RIPOR2: variants seen among roughly 807,000 people sequenced by gnomAD.
RIPOR2 encodes the protein RHO family interacting cell polarization regulator 2.
Under a neutral mutation model 114.5 loss-of-function variants are expected in RIPOR2, and 39 were observed. The ratio of observed to expected loss-of-function variants is 0.34; its 90% CI spans 0.26 to 0.44. The LOEUF (loss-of-function observed/expected upper bound fraction) is 0.44. RIPOR2 is among the 20% of genes least tolerant of loss of function. The pLI is 1.00. For missense variants in RIPOR2, 1,007 were observed against 1,255.1 expected, an observed-to-expected ratio of 0.80 and a Z score of 2.99; for synonymous variants, 445 against 484.4, an observed-to-expected ratio of 0.92 and a Z score of 1.07.
At chr6:24,950,406 G>A (rs1462739476) in intron 1 of RIPOR2, among the ~76,000 whole-genome samples, 1 of 152,074 alleles carries the variant, frequency 6.6e-6, no homozygotes, top group African/African-American at 2.4e-5. Context: ...TTTGGGCTCT[G>A]CATTCACTCT....
intron 1 of RIPOR2, among the ~76,000 whole-genome samples, chr6:24,964,605 TG>T (rs1311218420): frequency 1.3e-5 from 2 of 152,256 alleles, no homozygotes; most frequent in African/African-American, 4.8e-5. Flanking sequence ...TGGACATTTG[TG>T]TACAGGTTTT....
intron 17 of RIPOR2, 63 bp downstream of exon 17, chr6:24,830,446 C>T: frequency 1.4e-6 from 2 of 1,427,028 alleles, no homozygotes; most frequent in South Asian, 2.6e-5. Flanking sequence ...TCCCCCGACC[C>T]CCACCCCAAT....
At chr6:24,932,445 CTCTT>C (rs1157547512) in intron 1 of RIPOR2, among the ~76,000 whole-genome samples, 5 of 150,440 alleles carry the variant, frequency 3.3e-5, no homozygotes, top group Middle Eastern at 3.4e-3. Flanking sequence ...CTTTCTGTCT[CTCTT>C]TCTCTTTCTC....
At chr6:25,003,600 T>A (rs994211028) in intron 1 of RIPOR2, among the ~76,000 whole-genome samples, 2 of 151,892 alleles carry the variant, frequency 1.3e-5, no homozygotes, top group Non-Finnish European at 2.9e-5. Flanking sequence ...TGGGTAATTT[T>A]TCTATTTTTT....
intron 7 of RIPOR2, 139 bp downstream of exon 7, chr6:24,865,162 T>C (rs544535554): frequency 1.2e-3 from 795 of 662,790 alleles, no homozygotes; most frequent in Non-Finnish European, 1.5e-3. Flanking sequence ...TGCATACTTT[T>C]TAGGCTAACA....
At chr6:24,926,319 A>G (rs539009809) in intron 1 of RIPOR2, among the ~76,000 whole-genome samples, 1 of 152,268 alleles carries the variant, frequency 6.6e-6, no homozygotes, top group South Asian at 2.1e-4. Flanking sequence ...TAAAGATATG[A>G]TTTTCACCTC....
At chr6:24,826,071 C>T (rs909031148) in intron 18 of RIPOR2, among the ~76,000 whole-genome samples, 3 of 151,674 alleles carry the variant, frequency 2.0e-5, no homozygotes, top group Non-Finnish European at 2.9e-5. Context: ...GGATTATAGG[C>T]GCATGCCACC....
At chr6:24,871,420 C>T (rs563657885) in intron 4 of RIPOR2, among the ~76,000 whole-genome samples, 2 of 152,354 alleles carry the variant, frequency 1.3e-5, no homozygotes, top group East Asian at 1.9e-4. Flanking sequence ...GGCACGATCT[C>T]GGCTCACCGC....
intron 1 of RIPOR2, among the ~76,000 whole-genome samples, chr6:24,984,191 G>A (rs1053685965): frequency 1.3e-5 from 2 of 152,228 alleles, no homozygotes; most frequent in African/African-American, 4.8e-5. Context: ...TCACGCGTCC[G>A]TGTGAAGAGA....
At chr6:25,001,701 CTTTT>C (rs775620654) in intron 1 of RIPOR2, among the ~76,000 whole-genome samples, 1 of 102,518 alleles carries the variant, frequency 9.8e-6, no homozygotes, top group African/African-American at 3.5e-5. Flanking sequence ...TCCTTTCTTT[CTTTT>C]TTTTTTTTTT....
chr6:24,918,059 G>T (rs971138904), intron 1 of RIPOR2, among the ~76,000 whole-genome samples: 11 of 152,176 alleles, frequency 7.2e-5, no homozygotes, highest in Admixed American at 2.6e-4. Flanking sequence ...CTCACCTGTA[G>T]GGACCACGTC....
At chr6:24,881,761 C>T (rs1766377600) in intron 1 of RIPOR2, among the ~76,000 whole-genome samples, 2 of 152,084 alleles carry the variant, frequency 1.3e-5, no homozygotes, top group South Asian at 4.2e-4. Flanking sequence ...GACCACCTGA[C>T]CCAAACACCT....
At chr6:24,887,950 A>G (rs192786957) in intron 1 of RIPOR2, among the ~76,000 whole-genome samples, 87 of 152,266 alleles carry the variant, frequency 5.7e-4, no homozygotes, top group African/African-American at 2.0e-3. Context: ...TGTTGTCATA[A>G]CTCATTTTAA....
intron 1 of RIPOR2, among the ~76,000 whole-genome samples, chr6:24,916,469 G>C (rs931895607): frequency 6.6e-6 from 1 of 152,208 alleles, no homozygotes; most frequent in African/African-American, 2.4e-5. Context: ...CTATATTAAT[G>C]AGTGTAGAGG....
intron 1 of RIPOR2, among the ~76,000 whole-genome samples, chr6:25,002,091 G>A (rs751621393): frequency 6.6e-6 from 1 of 152,138 alleles, no homozygotes; most frequent in African/African-American, 2.4e-5. Context: ...TAGCAAATGA[G>A]GTTGGCTATG....
chr6:24,847,659 C>T lies in RIPOR2; in HGVS notation c.1164+366G>A, dbSNP rs1027484347. Reference sequence around the variant, plus strand: ...GCAAGGCACTCAAGACAGACAGCCGCCTGGGCTTGTCTGGGGAAGGATGCA... The same window carrying T: ...GCAAGGCACTCAAGACAGACAGCCGTCTGGGCTTGTCTGGGGAAGGATGCA... On this transcript the variant is annotated intron_variant, in intron 12 of 21. Transcript: ENST00000643898. 1.2e-5 allele frequency: 19 copies of T among 1,551,614 alleles called. No homozygotes were observed. The East Asian group carries it at 1.7e-4, about 14-fold the overall frequency.
chr6:24,914,578 C>A (rs1769924692), intron 1 of RIPOR2, among the ~76,000 whole-genome samples: 2 of 152,106 alleles, frequency 1.3e-5, no homozygotes, highest in Admixed American at 1.3e-4. Context: ...TTTTTTATAC[C>A]ATAAAACAAA....
At chr6:24,830,168 G>A (rs1361175706) in intron 17 of RIPOR2, among the ~76,000 whole-genome samples, 1 of 152,138 alleles carries the variant, frequency 6.6e-6, no homozygotes, top group Non-Finnish European at 1.5e-5. Flanking sequence ...GTTTTGTCAT[G>A]TTGGCCAGGC....
chr6:24,904,786 A>C (rs1407733321), intron 1 of RIPOR2, among the ~76,000 whole-genome samples: 1 of 151,980 alleles, frequency 6.6e-6, no homozygotes, highest in Non-Finnish European at 1.5e-5. Flanking sequence ...AGCTTCTTTT[A>C]TTTTTGGAGA....
Sources: gnomAD v4.1 joint callset for allele counts (sites outside exome capture counted in the v4.1 genomes callset) on GRCh38, gnomAD v4.1.1 for gene constraint, MANE v1.5 for transcripts, NCBI Gene and HGNC (gene_info 2026-07-23, HGNC 2026-07-21) for gene names.